TIMELESS: variants seen among roughly 807,000 people sequenced by gnomAD.
TIMELESS encodes the protein timeless circadian regulator.
Under a neutral mutation model 164.3 loss-of-function variants are expected in TIMELESS, and 124 were observed. That is an observed-to-expected ratio of 0.75 (90% confidence interval 0.65 to 0.88). The LOEUF (loss-of-function observed/expected upper bound fraction) is 0.88, where lower values mean the gene tolerates loss of function less well. TIMELESS is among the 40% of genes least tolerant of loss of function. The probability of loss-of-function intolerance (pLI) is 0.00; values close to 1 mark genes in which losing one functional copy is unlikely to be tolerated. For synonymous variants in TIMELESS, 564 were observed against 563.4 expected (o/e 1.00, Z -0.02); for missense variants, 1,422 against 1,491.4 (o/e 0.95, Z 0.77).
At chr12:56,430,549 T>C (rs567428182) in intron 9 of TIMELESS, among the ~76,000 whole-genome samples, 50 of 152,142 alleles carry the variant, frequency 3.3e-4, no homozygotes, top group Non-Finnish European at 6.5e-4. Context: ...TCACTTGTTG[T>C]AGGGACAGGG....
intron 9 of TIMELESS, 63 bp from the exon 10 acceptor site, chr12:56,430,344 G>T: frequency 6.5e-7 from 1 of 1,527,870 alleles, no homozygotes; most frequent in Non-Finnish European, 8.8e-7. Context: ...TGCAGCTCTC[G>T]TCAATTTTCT....
intron 1 of TIMELESS, among the ~76,000 whole-genome samples, chr12:56,439,009 C>CA (rs1197164666): frequency 2.0e-5 from 3 of 150,300 alleles, no homozygotes; most frequent in South Asian, 4.2e-4. Flanking sequence ...ACTAAAAATA[C>CA]AAAAAAATTA....
Position 56,418,379 on chromosome 12 carries a change from GA to G in TIMELESS, c.3229-21del, listed in dbSNP as rs1881343428. On this transcript the variant is annotated intron_variant, in intron 26 of 28. Coordinates refer to ENST00000553532, the MANE Select transcript of TIMELESS (RefSeq NM_003920.5). The stretch of plus-strand genomic sequence containing the variant: ...GGTTTCCTACAGGGGCCAAAAAGTT[GA>G]AAAGGGAAAGGACCAGCTTTTTGTT... 2 of 1,570,106 alleles carry G rather than the reference GA, an allele frequency of 1.3e-6. No individual in the cohort carries two copies. The highest frequency in any genetic ancestry group is 1.7e-6 in the Non-Finnish European group (2 of 1,153,678).
At chr12:56,436,674 GA>G (rs1436745737) in intron 1 of TIMELESS, among the ~76,000 whole-genome samples, 1 of 152,058 alleles carries the variant, frequency 6.6e-6, no homozygotes, top group African/African-American at 2.4e-5. Context: ...CCTCAGAAAG[GA>G]ATTTAGAACA....
chr12:56,424,720 C>A, intron 15 of TIMELESS, 42 bp downstream of exon 15: 1 of 1,600,446 alleles, frequency 6.2e-7, no homozygotes, highest in Non-Finnish European at 8.5e-7. Context: ...TGGCCTCCTC[C>A]TTCCCCCAAA....
chr12:56,420,048 A>ATATATATATATGTGTGTG (rs1473074484), intron 26 of TIMELESS, among the ~76,000 whole-genome samples: 17 of 87,340 alleles, frequency 1.9e-4, no homozygotes, highest in African/African-American at 8.6e-4. Context: ...ATATATATAT[A>ATATATATATATGTGTGTG]TGTGTGTGTG....
intron 1 of TIMELESS, among the ~76,000 whole-genome samples, chr12:56,444,623 T>C (rs1868323809): frequency 6.6e-6 from 1 of 151,734 alleles, no homozygotes; most frequent in Non-Finnish European, 1.5e-5. Context: ...CTCGGCTCAC[T>C]GCAGCCTCAA....
At chr12:56,435,557 C>T (rs1882042358) in intron 1 of TIMELESS, among the ~76,000 whole-genome samples, 2 of 152,140 alleles carry the variant, frequency 1.3e-5, no homozygotes, top group Admixed American at 1.3e-4. Context: ...GGTGCGGTGG[C>T]ATCCCAGCAC....
chr12:56,444,597 T>C (rs1485026155), intron 1 of TIMELESS, among the ~76,000 whole-genome samples: 1 of 151,874 alleles, frequency 6.6e-6, no homozygotes, highest in South Asian at 2.1e-4. Context: ...AGTGTAGTGA[T>C]GTGCAGTGGT....
Position 56,433,074 on chromosome 12 carries a change from CAGT to C in TIMELESS, c.480_482del (p.Leu162del). ...GGACATGGAGAATATTTCTGACCAG[CAGT>C]AGGATCCGTTCAATCAGCAAGTTGT... On this transcript the variant is annotated inframe_deletion, in exon 6 of 29. Coordinates refer to ENST00000553532, the MANE Select transcript of TIMELESS (RefSeq NM_003920.5). The C allele has an allele frequency of 3.1e-6, 5 of 1,613,962 alleles. No homozygotes were observed. The highest frequency in any genetic ancestry group is 4.2e-6 in the Non-Finnish European group (5 of 1,180,016).
rs771535740 is a variant in TIMELESS at position 56,423,273 on chromosome 12, C to T, written c.2292+1G>A. On this transcript the variant is annotated splice_donor_variant, in intron 18 of 28. Transcript: ENST00000553532. LOFTEE classifies it high-confidence loss of function. ...AACCCCATTCCTTGTTATCCCCTCA[C>T]TTTGTAGGCTCCAGCAGCAGGGTCA... 1.9e-6 allele frequency: 3 copies of T among 1,614,052 alleles called. No individual in the cohort carries two copies. Among genetic ancestry groups the T allele is most frequent in the South Asian group, 2.2e-5 (2 of 91,062 alleles).
rs367880194 is a variant in TIMELESS, at chr12:56,428,665, G to A, written c.1305-13C>T. 2.0e-5 allele frequency: 32 copies of A among 1,609,646 alleles called. No individual in the cohort carries two copies. The highest frequency in any genetic ancestry group is 2.5e-5 in the Non-Finnish European group (29 of 1,176,260). ...AGCCAAGTGCATCCTGAGAGTTGAC[G>A]GGAAACGGTGAAATGGAGGACAGCT... On this transcript the variant is annotated splice_polypyrimidine_tract_variant and intron_variant, in intron 11 of 28. Coordinates refer to ENST00000553532, the MANE Select transcript of TIMELESS (RefSeq NM_003920.5).
rs1176266662 is a variant in TIMELESS at position 56,416,988 on chromosome 12, T to C, written c.*728A>G. On this transcript the variant is annotated 3_prime_UTR_variant, in exon 29 of 29. Transcript: ENST00000553532. ...ATCCGCCCGCCTCAGCCTCCCAAAG[T>C]GCTAGGACAACAGGTTTGAGCCACT... 2 of 152,222 alleles carry C rather than the reference T, an allele frequency of 1.3e-5. No homozygotes were observed. Among genetic ancestry groups the C allele is most frequent in the Non-Finnish European group, 1.5e-5 (1 of 68,126 alleles). The allele number at this position is 152,222 out of a possible 1,614,324, so 9.4% of individuals were successfully genotyped here.
rs953864810 is a variant in TIMELESS at position 56,417,345 on chromosome 12, C to T, written c.*371G>A. On this transcript the variant is annotated 3_prime_UTR_variant, in exon 29 of 29. Transcript: ENST00000553532. ...TCATAAAGCTCCCCATCTGGTGCTG[C>T]GACCCACCTCCAAGAGAAAGCCAAA... 6.6e-5 allele frequency: 13 copies of T among 195,924 alleles called. No individual in the cohort carries two copies. The highest frequency in any genetic ancestry group is 3.6e-4 in the East Asian group (3 of 8,426). 12.1% of individuals were successfully genotyped at this position (195,924 alleles called of 1,614,324 possible). A position where few individuals can be genotyped will look rare whatever the true frequency, so the allele number is the denominator to read the frequency against.
chr12:56,420,736 G>T, intron 25 of TIMELESS, 49 bp from the exon 26 acceptor site: 1 of 1,612,860 alleles, frequency 6.2e-7, no homozygotes, highest in Non-Finnish European at 8.5e-7. Context: ...GGAAGAACTG[G>T]TTCTCCATCC....
At chr12:56,443,603 T>G (rs919802019) in intron 1 of TIMELESS, among the ~76,000 whole-genome samples, 1 of 152,226 alleles carries the variant, frequency 6.6e-6, no homozygotes, top group African/African-American at 2.4e-5. Context: ...GTGATCTCTG[T>G]GATCCACTCC....
In TIMELESS at chr12:56,433,808, G is replaced by T; in HGVS notation, c.216C>A (p.His72Gln). 1 of 1,614,168 alleles carries T rather than the reference G, an allele frequency of 6.2e-7. No individual in the cohort carries two copies. The highest frequency in any genetic ancestry group is 8.5e-7 in the Non-Finnish European group (1 of 1,180,036). ...CATCAAAGAGAGGCTTGTCCTGGTG[G>T]TGCTGGGTGAGGATGGGCAGAAGGT... ...QSDLLPILTQHHQDKPLFDAV... is the reference protein window; with the variant it reads ...QSDLLPILTQQHQDKPLFDAV... The change falls in exon 3 of 29, where the codon CAC becomes CAA. Residue 72 changes from histidine to glutamine, a missense_variant. His to Gln is a conservative substitution (Grantham distance 24). Transcript: ENST00000553532.
At chr12:56,422,807 T>TGG in intron 19 of TIMELESS, 40 bp downstream of exon 19, 1 of 1,447,338 alleles carries the variant, frequency 6.9e-7, no homozygotes, top group Non-Finnish European at 9.5e-7. Flanking sequence ...GCATCAAACT[T>TGG]CCCCTACCCC....
chr12:56,442,083 C>CAAAAAAAAA (rs34126247), intron 1 of TIMELESS, among the ~76,000 whole-genome samples: 7 of 94,294 alleles, frequency 7.4e-5, no homozygotes, highest in Admixed American at 1.3e-4. Flanking sequence ...GACTCCGTCT[C>CAAAAAAAAA]AAAAAAAAAA....
Sources: gnomAD v4.1 joint callset for allele counts (sites outside exome capture counted in the v4.1 genomes callset) on GRCh38, gnomAD v4.1.1 for gene constraint, MANE v1.5 for transcripts, NCBI Gene and HGNC (gene_info 2026-07-23, HGNC 2026-07-21) for gene names.